TMPRSS9: variants seen among roughly 807,000 people sequenced by gnomAD.
The protein encoded by TMPRSS9 is transmembrane serine protease 9.
Under a neutral mutation model 111.4 loss-of-function variants are expected in TMPRSS9, and 113 were observed. That is an observed-to-expected ratio of 1.01 (90% confidence interval 0.87 to 1.19). The LOEUF is 1.19. Ranked by LOEUF, TMPRSS9 falls within the 50% of genes most tolerant of loss-of-function variation. TMPRSS9 has a pLI of 0.00. For synonymous variants in TMPRSS9, 805 were observed against 659.1 expected (o/e 1.22, Z -3.39); for missense variants, 1,803 against 1,513.1 (o/e 1.19, Z -3.18).
intron 1 of TMPRSS9, among the ~76,000 whole-genome samples, chr19:2,380,629 C>T (rs1241245616): frequency 7.0e-6 from 1 of 143,770 alleles, no homozygotes; most frequent in Non-Finnish European, 1.5e-5. Flanking sequence ...TGGATTCTTC[C>T]CCAGTCAAGC....
chr19:2,386,256 A>G (rs1054730826), upstream of TMPRSS9, among the ~76,000 whole-genome samples: 1 of 152,174 alleles, frequency 6.6e-6, no homozygotes, highest in Non-Finnish European at 1.5e-5. Flanking sequence ...CTGTAATCCC[A>G]GCATTTTGGG....
exon 14 of TMPRSS9, chr19:2,421,978 G>C (rs1264761856): frequency 1.2e-6 from 2 of 1,613,080 alleles, no homozygotes; most frequent in Non-Finnish European, 1.7e-6. Context: ...CGCATCACCA[G>C]GCTAAAGGGC....
At chr19:2,371,726 C>T (rs66461270) in intron 1 of TMPRSS9, among the ~76,000 whole-genome samples, 1 of 104,898 alleles carries the variant, frequency 9.5e-6, no homozygotes, top group African/African-American at 6.0e-5. Flanking sequence ...AAAAAAAAAA[C>T]AAAACTAGAA....
At chr19:2,388,617 G>A (rs1023466063), upstream of TMPRSS9, among the ~76,000 whole-genome samples, 4 of 152,110 alleles carry the variant, frequency 2.6e-5, no homozygotes, top group South Asian at 4.1e-4. Context: ...TAATCAATCA[G>A]TATTCCATTT....
chr19:2,399,610 C>T (rs1224054819), intron 4 of TMPRSS9, among the ~76,000 whole-genome samples: 2 of 152,182 alleles, frequency 1.3e-5, no homozygotes, highest in African/African-American at 2.4e-5. Context: ...TAAAAACTGA[C>T]ATTGCCTTTG....
intron 2 of TMPRSS9, 25 bp downstream of exon 3, chr19:2,396,691 C>G (rs1970716831): frequency 1.3e-6 from 2 of 1,587,726 alleles, no homozygotes; most frequent in Non-Finnish European, 1.7e-6. Context: ...TGTTTGGGGG[C>G]CAGGGAGGAA....
exon 10 of TMPRSS9, chr19:2,413,854 C>G: frequency 1.2e-6 from 2 of 1,613,744 alleles, no homozygotes; most frequent in South Asian, 1.1e-5. Flanking sequence ...GAGGCCACCA[C>G]CAAAGCCAGC....
intron 1 of TMPRSS9, among the ~76,000 whole-genome samples, chr19:2,371,784 A>ACCC (rs1970292453): frequency 6.6e-6 from 1 of 151,304 alleles, no homozygotes; most frequent in African/African-American, 2.4e-5. Flanking sequence ...CCCAAAGCAA[A>ACCC]CTGACTCACT....
At chr19:2,406,839 C>T (rs1262130148) in intron 7 of TMPRSS9, among the ~76,000 whole-genome samples, 4 of 148,990 alleles carry the variant, frequency 2.7e-5, no homozygotes, top group South Asian at 2.1e-4. Context: ...CTCACTCTGT[C>T]GCCCTGCTGG....
At chr19:2,425,373 G>C in exon 17 of TMPRSS9, 1 of 1,530,594 alleles carries the variant, frequency 6.5e-7, no homozygotes, top group East Asian at 2.6e-5. Flanking sequence ...TGGCGCGGCA[G>C]CTGCAGAAGG....
chr19:2,413,900 C>T (rs369352581), exon 10 of TMPRSS9: 118 of 1,613,150 alleles, frequency 7.3e-5, no homozygotes, highest in Non-Finnish European at 9.2e-5. Flanking sequence ...CTGCCCCTGC[C>T]GCCCCCAGCA....
chr19:2,416,614 G>T, exon 12 of TMPRSS9: 1 of 1,612,586 alleles, frequency 6.2e-7, no homozygotes, highest in Non-Finnish European at 8.5e-7. Context: ...GGTGAAGATC[G>T]GGCTGCGGCG....
chr19:2,363,684 C>T (rs1970222232), intron 1 of TMPRSS9, among the ~76,000 whole-genome samples: 1 of 151,562 alleles, frequency 6.6e-6, no homozygotes, highest in Admixed American at 6.6e-5. Flanking sequence ...CTCGGTCCCC[C>T]AGGCTCACCT....
intron 9 of TMPRSS9, among the ~76,000 whole-genome samples, 187 bp from the exon 11 acceptor site, chr19:2,413,513 G>GT (rs1018271065): frequency 2.0e-5 from 3 of 151,946 alleles, no homozygotes; most frequent in African/African-American, 4.8e-5. Flanking sequence ...CTTGGGTTTT[G>GT]TTTTTTTTCC....
At chr19:2,416,540 C>T (rs148639350) in exon 12 of TMPRSS9, 33 of 1,606,418 alleles carry the variant, frequency 2.1e-5, no homozygotes, top group African/African-American at 1.5e-4. Context: ...CTCCATAGCA[C>T]GAAGGTGGAG....
chr19:2,400,975 T>TAA lies in TMPRSS9; in HGVS notation c.515-985_515-984dup, dbSNP rs58186638. Among the ~76,000 whole-genome samples the TAA allele has an allele frequency of 1.7e-3, 214 of 124,846 alleles. 2 individuals are homozygous for TAA. The highest frequency in any genetic ancestry group is 4.9e-3 in the African/African-American group (171 of 34,560). 81.9% of individuals were successfully genotyped at this position (124,846 alleles called of 152,430 possible). ...TGGGTAACAGAGTGAGACTCTGTCT[T>TAA]AAAAAAAAAAAAAAAATGGCCGGGC... On this transcript the variant is annotated intron_variant, in intron 4 of 17. Coordinates refer to ENST00000648592, the Ensembl canonical transcript of TMPRSS9.
chr19:2,394,637 A>G (rs548032859), intron 1 of TMPRSS9, among the ~76,000 whole-genome samples: 8 of 152,198 alleles, frequency 5.3e-5, no homozygotes, highest in African/African-American at 1.9e-4. Flanking sequence ...CGTTTTTAGA[A>G]TTGGTTCAGA....
chr19:2,370,024 A>T (rs1436406450), intron 1 of TMPRSS9, among the ~76,000 whole-genome samples: 2 of 152,090 alleles, frequency 1.3e-5, no homozygotes, highest in Non-Finnish European at 2.9e-5. Flanking sequence ...CCTGGGCAAT[A>T]TAGCGAAACC....
chr19:2,391,261 T>TAAAAAAAAAAAAAAAA (rs1555677770), intron 1 of TMPRSS9, among the ~76,000 whole-genome samples: 2 of 75,174 alleles, frequency 2.7e-5, no homozygotes, highest in African/African-American at 1.3e-4. Flanking sequence ...AAAAAAAAAG[T>TAAAAAAAAAAAAAAAA]TAATTTTAAC....
Sources: gnomAD v4.1 joint callset for allele counts (sites outside exome capture counted in the v4.1 genomes callset) on GRCh38, gnomAD v4.1.1 for gene constraint, MANE v1.5 for transcripts, NCBI Gene and HGNC (gene_info 2026-07-23, HGNC 2026-07-21) for gene names.